The following ERC2 variants were observed in gnomAD, a reference collection of about 807,000 sequenced individuals.
The protein encoded by ERC2 is ERC protein 2.
ERC2 carries 42 observed loss-of-function variants against 114.8 expected under a neutral mutation model. The observed-to-expected ratio is 0.37, with a 90% CI of 0.29 to 0.47. ERC2 has a LOEUF of 0.47. Ranked by LOEUF, ERC2 falls within the 20% of genes least tolerant of loss-of-function variation. The pLI, the probability that ERC2 is intolerant of heterozygous loss-of-function variation, is 0.99. For missense variants in ERC2, 939 were observed against 1,150.7 expected, an observed-to-expected ratio of 0.82 and a Z score of 2.66; for synonymous variants, 454 against 425.5, an observed-to-expected ratio of 1.07 and a Z score of -0.82.
At chr3:55,749,754 A>C (rs538646119) in intron 14 of ERC2, among the ~76,000 whole-genome samples, 109 of 152,248 alleles carry the variant, frequency 7.2e-4, no homozygotes, top group African/African-American at 2.5e-3. Context: ...GCGGCAACCC[A>C]CTTGGGTCCC....
chr3:55,975,708 A>G (rs1363950490), intron 12 of ERC2, among the ~76,000 whole-genome samples: 1 of 152,100 alleles, frequency 6.6e-6, no homozygotes, highest in African/African-American at 2.4e-5. Flanking sequence ...AAAGTTCAAA[A>G]TCTTTTATCT....
At chr3:56,256,936 A>G (rs1485909846) in intron 3 of ERC2, among the ~76,000 whole-genome samples, 1 of 152,146 alleles carries the variant, frequency 6.6e-6, no homozygotes, top group African/African-American at 2.4e-5. Flanking sequence ...TTTATAAATT[A>G]CCCAGTCTCA....
chr3:56,403,276 C>T (rs1220473491), intron 2 of ERC2, among the ~76,000 whole-genome samples: 2 of 152,238 alleles, frequency 1.3e-5, no homozygotes, highest in Admixed American at 6.5e-5. Flanking sequence ...AGTCTAAACT[C>T]TTTTAAGTTC....
In ERC2 at chr3:56,193,325, T is replaced by C. The variant is rs937079807; in HGVS notation, c.1075-19805A>G. Among the ~76,000 whole-genome samples, 4 of 152,178 alleles carry C rather than the reference T, an allele frequency of 2.6e-5. No homozygotes were observed. In the East Asian group the frequency reaches 7.8e-4, roughly 30 times the overall value. ...GAGTTCGAGATCAGCCTGGCCAACA[T>C]GGCAAAACCCCGTCTCTACTGAAAA... On this transcript the variant is annotated intron_variant, in intron 3 of 17. Transcript: ENST00000288221.
chr3:56,428,998 G>A (rs2061683642), intron 2 of ERC2, among the ~76,000 whole-genome samples: 2 of 152,148 alleles, frequency 1.3e-5, no homozygotes, highest in African/African-American at 4.8e-5. Flanking sequence ...TGCTTTATGT[G>A]TACCTAATTT....
chr3:55,583,172 T>A (rs1218195519), intron 17 of ERC2, among the ~76,000 whole-genome samples: 1 of 152,182 alleles, frequency 6.6e-6, no homozygotes, highest in East Asian at 1.9e-4. Flanking sequence ...GATCATTTAC[T>A]CGAGCTACCC....
chr3:55,548,045 C>T (rs569035992), intron 17 of ERC2, among the ~76,000 whole-genome samples: 1 of 152,178 alleles, frequency 6.6e-6, no homozygotes. Context: ...GGCTGGTCCA[C>T]AATAGGGGCT....
At chr3:56,075,229 A>T (rs1267931571) in intron 7 of ERC2, among the ~76,000 whole-genome samples, 1 of 152,150 alleles carries the variant, frequency 6.6e-6, no homozygotes, top group African/African-American at 2.4e-5. Flanking sequence ...GTCTGATTAG[A>T]TCCTGCCAAT....
chr3:55,729,006 G>C (rs1005252123), intron 15 of ERC2, among the ~76,000 whole-genome samples: 1 of 152,180 alleles, frequency 6.6e-6, no homozygotes, highest in Non-Finnish European at 1.5e-5. Context: ...TGGAGCTAGG[G>C]GATGTGGAGA....
intron 3 of ERC2, among the ~76,000 whole-genome samples, chr3:56,219,674 GAAAAA>G (rs35098698): frequency 3.2e-5 from 4 of 123,114 alleles, no homozygotes; most frequent in African/African-American, 6.4e-5. Flanking sequence ...GCTCAAGTGC[GAAAAA>G]AAAAAAAAAA....
chr3:55,888,525 C>G lies in ERC2; in HGVS notation c.2428G>C (p.Glu810Gln). 6.2e-7 allele frequency: 1 copy of G among 1,613,858 alleles called. No homozygotes were observed. The highest frequency in any genetic ancestry group is 8.5e-7 in the Non-Finnish European group (1 of 1,179,830). The change falls in exon 14 of 18, where the codon GAG (glutamate) becomes CAG (glutamine). Residue 810 changes from glutamate to glutamine, a missense_variant. Around this residue, in one of 5 missense-constraint regions of ERC2, gnomAD observed 328 missense variants for 353.9 expected, o/e 0.93. Coordinates refer to ENST00000288221, the MANE Select transcript of ERC2 (RefSeq NM_015576.3). ...LQIEELMNAL[E>Q]KTRQELDATK... ...GCATCCAGTTCCTGTCTGGTCTTCTCCAGTGCATTCATCAGTTCCTCTATC... is the reference window on the plus strand; with the variant it reads ...GCATCCAGTTCCTGTCTGGTCTTCTGCAGTGCATTCATCAGTTCCTCTATC...
chr3:55,853,513 T>C (rs1575853681), intron 14 of ERC2, among the ~76,000 whole-genome samples: 1 of 151,734 alleles, frequency 6.6e-6, no homozygotes, highest in Admixed American at 6.6e-5. Flanking sequence ...GGAGACAGAG[T>C]GAGACCCTGT....
In ERC2 at chr3:56,142,372, G is replaced by A. The variant is rs146967467; in HGVS notation, c.1306-2696C>T. Among the ~76,000 whole-genome samples the A allele has an allele frequency of 1.3e-3, 202 of 152,182 alleles. 2 individuals are homozygous for A. Among genetic ancestry groups the A allele is most frequent in the African/African-American group, 4.7e-3 (197 of 41,546 alleles). ...ATGAATCTCAGTAGACACATGTCAA[G>A]TTAAGTATTCTTATCAAGGAACCAA... is the stretch of plus-strand genomic sequence containing the variant. On this transcript the variant is annotated intron_variant, in intron 5 of 17. Coordinates refer to ENST00000288221, the MANE Select transcript of ERC2 (RefSeq NM_015576.3).
At chr3:55,714,179 G>A (rs781716962) in intron 15 of ERC2, among the ~76,000 whole-genome samples, 6 of 152,144 alleles carry the variant, frequency 3.9e-5, no homozygotes, top group Admixed American at 3.3e-4. Flanking sequence ...CTAAAAAAAT[G>A]GAAAGTTAAT....
intron 1 of ERC2, among the ~76,000 whole-genome samples, chr3:56,463,130 A>G (rs1188404627): frequency 1.3e-5 from 2 of 152,150 alleles, no homozygotes; most frequent in Non-Finnish European, 2.9e-5. Context: ...GGGAAGACTG[A>G]GGTGGGAGAA....
intron 12 of ERC2, among the ~76,000 whole-genome samples, chr3:55,971,410 T>G (rs1158241724): frequency 6.6e-6 from 1 of 152,190 alleles, no homozygotes; most frequent in East Asian, 1.9e-4. Flanking sequence ...AAAAAGTTTA[T>G]AAAAAGAAAA....
At position 55,703,909 on chromosome 3, in the gene ERC2, G is replaced by A. The variant is rs79259540; in HGVS notation, c.2713-4397C>T. On this transcript the variant is annotated intron_variant, in intron 15 of 17. Coordinates refer to ENST00000288221, the MANE Select transcript of ERC2 (RefSeq NM_015576.3). ...CGAATTGGTCTTCTTCAAGAAATAT[G>A]CCATTCCTTAGCTAATTGGACCCAG... Among the ~76,000 whole-genome samples, 1,417 of 152,306 alleles carry A rather than the reference G, an allele frequency of 9.3e-3. 24 individuals are homozygous for A. Among genetic ancestry groups the A allele is most frequent in the African/African-American group, 0.031 (1,272 of 41,570 alleles).
At position 56,187,457 on chromosome 3, in the gene ERC2, T is replaced by A. The variant is rs115674384; in HGVS notation, c.1075-13937A>T. On this transcript the variant is annotated intron_variant, in intron 3 of 17. Transcript: ENST00000288221. ...TAGGGTAGGACTCCATTATTTTTGT[T>A]TTAGGTAAGTGGCTTTAAAACTTAT... Among the ~76,000 whole-genome samples the A allele has an allele frequency of 5.0e-3, 763 of 152,268 alleles. 6 individuals are homozygous for A. The highest frequency in any genetic ancestry group is 0.018 in the African/African-American group (732 of 41,546).
chr3:55,557,326 G>C (rs2055686916), intron 17 of ERC2, among the ~76,000 whole-genome samples: 1 of 152,168 alleles, frequency 6.6e-6, no homozygotes, highest in African/African-American at 2.4e-5. Flanking sequence ...AAGCACCAGG[G>C]GAAACAAAGG....
Sources: gnomAD v4.1 joint callset for allele counts (sites outside exome capture counted in the v4.1 genomes callset) on GRCh38, gnomAD v4.1.1 for gene constraint, gnomAD v4.1.1 regional missense constraint, MANE v1.5 for transcripts, NCBI Gene and HGNC (gene_info 2026-07-23, HGNC 2026-07-21) for gene names.